Variants in ASIC2 observed in about 807,000 individuals in gnomAD.
The protein encoded by ASIC2 is acid sensing ion channel subunit 2, also known as acid-sensing ion channel 2.
A neutral mutation model predicts 57.3 loss-of-function variants in ASIC2; 25 were observed. The observed-to-expected ratio is 0.44, with a 90% confidence interval of 0.32 to 0.61. The LOEUF (loss-of-function observed/expected upper bound fraction) is 0.61, where lower values mean the gene tolerates loss of function less well. Among genes scored for constraint, ASIC2 ranks in the 20% least tolerant of loss-of-function variants. The pLI, the probability that ASIC2 is intolerant of heterozygous loss-of-function variation, is 0.06. For synonymous variants in ASIC2, 319 were observed against 307.5 expected, an observed-to-expected ratio of 1.04 and a Z score of -0.39; for missense variants, 641 against 738.1, an observed-to-expected ratio of 0.87 and a Z score of 1.52.
chr17:33,848,561 T>A (rs1189847349), intron 1 of ASIC2, among the ~76,000 whole-genome samples: 1 of 152,208 alleles, frequency 6.6e-6, no homozygotes, highest in South Asian at 2.1e-4. Flanking sequence ...CTAATCTTTT[T>A]ATCTAGTTAT....
intron 1 of ASIC2, among the ~76,000 whole-genome samples, chr17:33,687,604 C>T (rs977838152): frequency 1.3e-5 from 2 of 152,184 alleles, no homozygotes; most frequent in African/African-American, 4.8e-5. Context: ...CCAGCCCACG[C>T]AGCTCTCATC....
chr17:33,028,428 C>T lies in ASIC2; in HGVS notation c.988-36G>A, dbSNP rs189536824. ...GGAAGGAGGGGGCGGCAGTCAGCCT[C>T]AACAGACTCAGTAACTCATTCATTT... On this transcript the variant is annotated intron_variant, in intron 3 of 9. Coordinates refer to ENST00000225823, the MANE Select transcript of ASIC2 (RefSeq NM_183377.2). The T allele has an allele frequency of 2.8e-4, 459 of 1,611,952 alleles. 1 individual carries two copies. In the African/African-American group the frequency reaches 5.5e-3, roughly 19 times the overall value.
intron 1 of ASIC2, among the ~76,000 whole-genome samples, chr17:33,704,707 G>A (rs1908811518): frequency 6.6e-6 from 1 of 152,134 alleles, no homozygotes; most frequent in Non-Finnish European, 1.5e-5. Flanking sequence ...TGCCTCTGCT[G>A]CCTTGGGGAT....
At chr17:33,418,192 C>T (rs1020804223) in intron 1 of ASIC2, among the ~76,000 whole-genome samples, 23 of 152,132 alleles carry the variant, frequency 1.5e-4, no homozygotes, top group African/African-American at 5.5e-4. Context: ...TTTGAAACTC[C>T]ACAGTGCAGA....
intron 1 of ASIC2, among the ~76,000 whole-genome samples, chr17:34,017,468 C>A (rs944155896): frequency 4.6e-5 from 7 of 152,106 alleles, no homozygotes; most frequent in Admixed American, 2.6e-4. Flanking sequence ...AAAAGAAGAG[C>A]AACACATTTC....
rs1166370684 is a variant in ASIC2, at chr17:33,013,677, C to T, written c.*288G>A. ...GAGGTGGCGCCACAAGAAGTCTGAG[C>T]ATGCAGGTGCTTTATACATCTGGCA... On this transcript the variant is annotated 3_prime_UTR_variant, in exon 10 of 10. Coordinates refer to ENST00000225823, the MANE Select transcript of ASIC2 (RefSeq NM_183377.2). 8 of 431,418 alleles carry T rather than the reference C, an allele frequency of 1.9e-5. No individual in the cohort carries two copies. The highest frequency in any genetic ancestry group is 3.4e-5 in the Non-Finnish European group (8 of 234,728). 26.7% of individuals were successfully genotyped at this position (431,418 alleles called of 1,614,324 possible).
intron 1 of ASIC2, among the ~76,000 whole-genome samples, chr17:33,573,144 T>G (rs781255159): frequency 2.2e-4 from 34 of 152,190 alleles, no homozygotes; most frequent in Non-Finnish European, 2.8e-4. Context: ...CACGTTTACC[T>G]GGATAAGCAT....
chr17:33,798,795 T>G (rs1911995063), intron 1 of ASIC2, among the ~76,000 whole-genome samples: 1 of 152,186 alleles, frequency 6.6e-6, no homozygotes, highest in Admixed American at 6.5e-5. Context: ...ATGATGACTC[T>G]TTGGAAGGGA....
intron 1 of ASIC2, among the ~76,000 whole-genome samples, chr17:33,406,697 C>A (rs1163036412): frequency 1.3e-5 from 2 of 152,200 alleles, no homozygotes; most frequent in African/African-American, 4.8e-5. Flanking sequence ...GCTATGCAAG[C>A]ATTTGCTAAA....
intron 1 of ASIC2, among the ~76,000 whole-genome samples, chr17:34,079,272 A>G (rs577376936): frequency 6.6e-6 from 1 of 151,850 alleles, no homozygotes; most frequent in African/African-American, 2.4e-5. Context: ...GCCACTGCCC[A>G]CTCCCTCCCC....
At chr17:33,809,343 T>A (rs1338867562) in intron 1 of ASIC2, among the ~76,000 whole-genome samples, 1 of 152,218 alleles carries the variant, frequency 6.6e-6, no homozygotes, top group African/African-American at 2.4e-5. Flanking sequence ...AAAGAGGTAG[T>A]GGTTGCTTCA....
At chr17:33,144,063 C>G (rs1052700519) in intron 1 of ASIC2, among the ~76,000 whole-genome samples, 1 of 152,030 alleles carries the variant, frequency 6.6e-6, no homozygotes, top group African/African-American at 2.4e-5. Flanking sequence ...TATTATAAGA[C>G]CCTACTTTCC....
At chr17:33,937,619 C>T (rs1265524174) in intron 1 of ASIC2, among the ~76,000 whole-genome samples, 3 of 152,124 alleles carry the variant, frequency 2.0e-5, no homozygotes, top group African/African-American at 7.2e-5. Flanking sequence ...CTGGTTTCTT[C>T]TACTTAAGGC....
At chr17:33,595,407 G>C (rs374567300) in intron 1 of ASIC2, among the ~76,000 whole-genome samples, 2 of 152,226 alleles carry the variant, frequency 1.3e-5, no homozygotes, top group East Asian at 3.8e-4. Context: ...GGCTAAGGCT[G>C]GGAGCCCGGT....
chr17:33,828,717 A>G (rs1913019266), intron 1 of ASIC2, among the ~76,000 whole-genome samples: 1 of 152,208 alleles, frequency 6.6e-6, no homozygotes, highest in East Asian at 1.9e-4. Flanking sequence ...TTGATAAAAT[A>G]TATTCTATTT....
At chr17:33,262,699 G>A (rs1285005287) in intron 1 of ASIC2, among the ~76,000 whole-genome samples, 1 of 152,142 alleles carries the variant, frequency 6.6e-6, no homozygotes, top group Non-Finnish European at 1.5e-5. Flanking sequence ...TGTGACAGAT[G>A]GTTCTTATCC....
At chr17:33,581,200 C>G (rs894818584) in intron 1 of ASIC2, 10 of 152,154 alleles carry the variant, frequency 6.6e-5, no homozygotes, top group African/African-American at 2.2e-4. Context: ...ATTCAAAGCA[C>G]AAGGATTCAA....
At chr17:33,249,467 G>A (rs1333286563) in intron 1 of ASIC2, among the ~76,000 whole-genome samples, 1 of 152,130 alleles carries the variant, frequency 6.6e-6, no homozygotes, top group Non-Finnish European at 1.5e-5. Flanking sequence ...AGGGAACTGA[G>A]GACTGAGTCC....
chr17:33,196,882 G>A (rs758051795), intron 1 of ASIC2, among the ~76,000 whole-genome samples: 8 of 152,188 alleles, frequency 5.3e-5, no homozygotes, highest in Non-Finnish European at 8.8e-5. Flanking sequence ...AGGAATCTCC[G>A]CCTCGGCATT....
Sources: gnomAD v4.1 joint callset for allele counts (sites outside exome capture counted in the v4.1 genomes callset) on GRCh38, gnomAD v4.1.1 for gene constraint, MANE v1.5 for transcripts, NCBI Gene and HGNC (gene_info 2026-07-23, HGNC 2026-07-21) for gene names.